The following SPATA17 variants were observed in gnomAD, a reference collection of about 807,000 sequenced individuals.
The protein encoded by SPATA17 is spermatogenesis associated 17, also known as spermatogenesis-associated protein 17.
SPATA17 carries 53 observed loss-of-function variants against 62.2 expected under a neutral mutation model. The observed-to-expected ratio is 0.85, with a 90% CI of 0.68 to 1.07. The LOEUF (loss-of-function observed/expected upper bound fraction) is 1.07. SPATA17 is among the 50% of genes least tolerant of loss of function. SPATA17 has a pLI of 0.00. For synonymous variants in SPATA17, 146 were observed against 146.8 expected (o/e 0.99, Z 0.04); for missense variants, 466 against 425.5 (o/e 1.10, Z -0.84).
chr1:217,677,730 C>A (rs900567251), intron 4 of SPATA17, among the ~76,000 whole-genome samples: 2 of 151,738 alleles, frequency 1.3e-5, no homozygotes, highest in Admixed American at 1.3e-4. Flanking sequence ...GTACCAATAT[C>A]ATTGTGAAAT....
intron 5 of SPATA17, among the ~76,000 whole-genome samples, chr1:217,727,042 G>A (rs1474860286): frequency 6.6e-6 from 1 of 151,948 alleles, no homozygotes; most frequent in Non-Finnish European, 1.5e-5. Context: ...GAGGTCAGGA[G>A]TTAGAGACCA....
intron 1 of SPATA17, among the ~76,000 whole-genome samples, chr1:217,633,783 A>G (rs990553617): frequency 9.9e-5 from 15 of 152,204 alleles, no homozygotes; most frequent in Non-Finnish European, 2.1e-4. Context: ...GGTACGGACA[A>G]AAAGGCTTCT....
intron 6 of SPATA17, among the ~76,000 whole-genome samples, chr1:217,762,787 C>T (rs1163962984): frequency 2.6e-5 from 4 of 152,142 alleles, no homozygotes; most frequent in South Asian, 4.1e-4. Context: ...GCCTGGCCAA[C>T]GTGGTGAAAC....
At chr1:217,638,557 C>T (rs539178252) in intron 1 of SPATA17, among the ~76,000 whole-genome samples, 13 of 152,122 alleles carry the variant, frequency 8.5e-5, no homozygotes, top group Non-Finnish European at 1.9e-4. Context: ...TATCACTGCC[C>T]AAGTAACCTG....
intron 5 of SPATA17, among the ~76,000 whole-genome samples, chr1:217,725,562 A>G (rs1413784553): frequency 2.0e-5 from 3 of 152,308 alleles, no homozygotes; most frequent in Admixed American, 6.5e-5. Flanking sequence ...TCCTGGGCTC[A>G]AGGAAGTCTG....
intron 9 of SPATA17, among the ~76,000 whole-genome samples, chr1:217,810,831 T>A (rs1392179617): frequency 2.0e-5 from 3 of 151,844 alleles, no homozygotes; most frequent in African/African-American, 7.3e-5. Context: ...AACACTTTTT[T>A]AAAACAATCA....
At chr1:217,775,935 G>A (rs1673581010) in intron 7 of SPATA17, among the ~76,000 whole-genome samples, 1 of 151,960 alleles carries the variant, frequency 6.6e-6, no homozygotes, top group African/African-American at 2.4e-5. Flanking sequence ...GATTTTTTAT[G>A]TAAAAATATT....
intron 4 of SPATA17, among the ~76,000 whole-genome samples, chr1:217,673,154 C>G (rs1167151493): frequency 6.6e-6 from 1 of 151,978 alleles, no homozygotes; most frequent in Non-Finnish European, 1.5e-5. Context: ...TGTAGATAAA[C>G]TGGATTTGGT....
chr1:217,835,597 CTAAG>C (rs750541057), intron 9 of SPATA17, among the ~76,000 whole-genome samples: 1 of 152,068 alleles, frequency 6.6e-6, no homozygotes, highest in Non-Finnish European at 1.5e-5. Context: ...ATAAAATTTT[CTAAG>C]TAAGTCAATA....
intron 9 of SPATA17, among the ~76,000 whole-genome samples, chr1:217,834,232 A>G (rs1460372522): frequency 6.6e-6 from 1 of 152,180 alleles, no homozygotes; most frequent in Non-Finnish European, 1.5e-5. Flanking sequence ...TGTACAATAC[A>G]TAATACTTGA....
At chr1:217,777,214 C>T (rs1673615431) in intron 7 of SPATA17, among the ~76,000 whole-genome samples, 2 of 151,964 alleles carry the variant, frequency 1.3e-5, no homozygotes, top group Non-Finnish European at 2.9e-5. Flanking sequence ...TCCTTAATTC[C>T]CATTATTTGT....
chr1:217,750,199 G>A (rs1377164579), intron 6 of SPATA17, among the ~76,000 whole-genome samples: 3 of 151,500 alleles, frequency 2.0e-5, no homozygotes, highest in Non-Finnish European at 4.4e-5. Context: ...ATGATATTTA[G>A]AAAGGAGACA....
chr1:217,644,891 A>T (rs1670145637), intron 1 of SPATA17, among the ~76,000 whole-genome samples: 1 of 152,084 alleles, frequency 6.6e-6, no homozygotes, highest in Non-Finnish European at 1.5e-5. Context: ...GTCATATTTT[A>T]TTCACTGCTA....
chr1:217,694,782 G>A (rs1671418053), intron 5 of SPATA17, among the ~76,000 whole-genome samples: 1 of 146,868 alleles, frequency 6.8e-6, no homozygotes, highest in African/African-American at 2.5e-5. Context: ...GAAATTCTGG[G>A]TTGAAAATTC....
chr1:217,684,028 CAT>C (rs1671162388), intron 5 of SPATA17, among the ~76,000 whole-genome samples: 1 of 152,098 alleles, frequency 6.6e-6, no homozygotes, highest in Admixed American at 6.6e-5. Context: ...ATTTGAGAAA[CAT>C]GTTCCATAGC....
intron 4 of SPATA17, among the ~76,000 whole-genome samples, chr1:217,669,711 T>C (rs1670791315): frequency 6.6e-6 from 1 of 152,080 alleles, no homozygotes; most frequent in South Asian, 2.1e-4. Context: ...TAAGTGAATT[T>C]CATTATTGTC....
At chr1:217,770,544 A>G (rs1366362292) in intron 6 of SPATA17, among the ~76,000 whole-genome samples, 1 of 152,204 alleles carries the variant, frequency 6.6e-6, no homozygotes. Flanking sequence ...TTTTAAAAGT[A>G]CACCTTGGTA....
chr1:217,733,942 T>C (rs1672452066), intron 5 of SPATA17, among the ~76,000 whole-genome samples: 1 of 152,202 alleles, frequency 6.6e-6, no homozygotes, highest in African/African-American at 2.4e-5. Context: ...AGGGCTGCCC[T>C]AATGGAATTT....
intron 5 of SPATA17, among the ~76,000 whole-genome samples, chr1:217,689,978 A>G (rs1052142683): frequency 6.6e-6 from 1 of 150,954 alleles, no homozygotes; most frequent in Non-Finnish European, 1.5e-5. Context: ...ATCTCCGCTC[A>G]CTGCAATCTC....
Sources: gnomAD v4.1 joint callset for allele counts (sites outside exome capture counted in the v4.1 genomes callset) on GRCh38, gnomAD v4.1.1 for gene constraint, MANE v1.5 for transcripts, NCBI Gene and HGNC (gene_info 2026-07-23, HGNC 2026-07-21) for gene names.